KIRREL1: variants seen among roughly 807,000 people sequenced by gnomAD.
KIRREL1 encodes kin of IRRE-like protein 1.
Under a neutral mutation model 83.3 loss-of-function variants are expected in KIRREL1, and 25 were observed. The ratio of observed to expected loss-of-function variants is 0.30; its 90% CI spans 0.22 to 0.42. KIRREL1 has a LOEUF of 0.42. Among genes scored for constraint, KIRREL1 ranks in the 10% least tolerant of loss-of-function variants. The pLI is 1.00. For synonymous variants in KIRREL1, 388 were observed against 410.4 expected, an observed-to-expected ratio of 0.95 and a Z score of 0.66; for missense variants, 812 against 1,032.3, an observed-to-expected ratio of 0.79 and a Z score of 2.92.
At chr1:158,038,102 C>G (rs1455068195) in intron 1 of KIRREL1, among the ~76,000 whole-genome samples, 1 of 152,222 alleles carries the variant, frequency 6.6e-6, no homozygotes, top group Non-Finnish European at 1.5e-5. Context: ...CACCCATCTG[C>G]CTGGCTGATG....
At chr1:158,085,159 A>G (rs138737111) in intron 4 of KIRREL1, among the ~76,000 whole-genome samples, 3 of 152,384 alleles carry the variant, frequency 2.0e-5, no homozygotes, top group Non-Finnish European at 4.4e-5. Flanking sequence ...CATGAAAGAT[A>G]TCAAGTGACT....
chr1:158,070,589 C>A (rs900153933), intron 1 of KIRREL1, among the ~76,000 whole-genome samples: 6 of 152,122 alleles, frequency 3.9e-5, no homozygotes, highest in Non-Finnish European at 8.8e-5. Context: ...AACTTTTAAT[C>A]CAAGGCAGGC....
Position 158,099,398 on chromosome 1 carries a change from T to A in KIRREL1, c.*4278T>A, listed in dbSNP as rs1027527444. 1 of 152,264 alleles carries A rather than the reference T, an allele frequency of 6.6e-6. No homozygotes were observed. Among genetic ancestry groups the A allele is most frequent in the African/African-American group, 2.4e-5 (1 of 41,434 alleles). 9.4% of individuals were successfully genotyped at this position (152,264 alleles called of 1,614,324 possible). Reference sequence around the variant, plus strand: ...TCTCCTCCTCTCCTCAAGGCCAGGCTTTTTGTGAAAGGCATTGGCTCATCT... The same window carrying A: ...TCTCCTCCTCTCCTCAAGGCCAGGCATTTTGTGAAAGGCATTGGCTCATCT... On this transcript the variant is annotated 3_prime_UTR_variant, in exon 15 of 15. Transcript: ENST00000359209.
rs1363166577 is a variant in KIRREL1 at position 158,100,070 on chromosome 1, T to G, written c.*4950T>G. On this transcript the variant is annotated 3_prime_UTR_variant, in exon 15 of 15. Coordinates refer to ENST00000359209, the MANE Select transcript of KIRREL1 (RefSeq NM_018240.7). The stretch of plus-strand genomic sequence containing the variant: ...ATAATTAAGAGAAGAGAAAAAAAGA[T>G]ATTATTTTTGTTAGGACAAACCATT... 2 of 152,098 alleles carry G rather than the reference T, an allele frequency of 1.3e-5. No homozygotes were observed. Among genetic ancestry groups the G allele is most frequent in the African/African-American group, 2.4e-5 (1 of 41,404 alleles). The allele number at this position is 152,098 out of a possible 1,614,324, so 9.4% of individuals were successfully genotyped here.
chr1:158,094,824 G>A lies in KIRREL1; in HGVS notation c.1978G>A (p.Asp660Asn). The change falls in exon 15 of 15, where the codon GAC becomes AAC. Residue 660 changes from aspartate to asparagine, a missense_variant. Physicochemically the swap from Asp to Asn is conservative, Grantham distance 23. Transcript: ENST00000359209. The surrounding 1 kb of genome is among the most constrained non-coding windows in gnomAD (Gnocchi z 4.6). ...CACCTATAGCCGGGGCCCTGCCTCT[G>A]ACTATGGCCCTGAGCCCACACCCCC... ...LNTYSRGPAS[D>N]YGPEPTPPGP... The A allele has an allele frequency of 1.2e-6, 2 of 1,614,052 alleles. No homozygotes were observed. The highest frequency in any genetic ancestry group is 1.7e-4 in the Middle Eastern group (1 of 6,060).
intron 1 of KIRREL1, among the ~76,000 whole-genome samples, chr1:158,051,346 C>T (rs1208867747): frequency 3.3e-5 from 5 of 152,186 alleles, no homozygotes; most frequent in Non-Finnish European, 7.3e-5. Flanking sequence ...GTTCTATCAT[C>T]TATAATGACA....
intron 1 of KIRREL1, among the ~76,000 whole-genome samples, chr1:158,007,250 C>A (rs531781344): frequency 6.6e-6 from 1 of 152,184 alleles, no homozygotes; most frequent in Admixed American, 6.5e-5. Context: ...TGTGCATCTG[C>A]ACAGAAGAAG....
At chr1:158,001,297 G>T (rs529219595) in intron 1 of KIRREL1, among the ~76,000 whole-genome samples, 170 of 152,190 alleles carry the variant, frequency 1.1e-3, no homozygotes, top group Non-Finnish European at 2.2e-3. Flanking sequence ...GCCCTTGAAG[G>T]TCTCACTTTG....
At position 158,095,256 on chromosome 1, in the gene KIRREL1, C is replaced by A; in HGVS notation, c.*136C>A. 1.5e-6 allele frequency: 1 copy of A among 678,972 alleles called. No individual in the cohort carries two copies. The highest frequency in any genetic ancestry group is 2.4e-6 in the Non-Finnish European group (1 of 409,354). The allele number at this position is 678,972 out of a possible 1,614,324, so 42.1% of individuals were successfully genotyped here. ...TCCTCCCACCATGGCAGGTGGGGAG[C>A]AGGTCTCCCAGAAACACCCCGTCCC... On this transcript the variant is annotated 3_prime_UTR_variant, in exon 15 of 15. Transcript: ENST00000359209.
In KIRREL1 at chr1:158,089,768, G is replaced by A. The variant is rs139347921; in HGVS notation, c.1222G>A (p.Gly408Ser). 149 of 1,614,000 alleles carry A rather than the reference G, an allele frequency of 9.2e-5. 1 individual carries two copies. In the Middle Eastern group the frequency reaches 1.2e-3, roughly 12 times the overall value. ...AGTGCAGTATGCTGTGAGGGGTGAC[G>A]GTGGCAAGGTGGAGTGTTTCATTGG... ...EAVQYAVRGDGGKVECFIGST... is the reference protein window; with the variant it reads ...EAVQYAVRGDSGKVECFIGST... The change falls in exon 10 of 15, where the codon GGT becomes AGT. Residue 408 changes from glycine (G) to serine (S), a missense_variant. This residue lies in a region of KIRREL1 where 472 missense variants were observed against 626.8 expected (regional missense o/e 0.75). Coordinates refer to ENST00000359209, the MANE Select transcript of KIRREL1 (RefSeq NM_018240.7).
intron 1 of KIRREL1, among the ~76,000 whole-genome samples, chr1:158,006,505 C>T (rs1025349215): frequency 3.3e-5 from 5 of 152,190 alleles, no homozygotes; most frequent in East Asian, 3.8e-4. Flanking sequence ...AGGTCATAGG[C>T]GAGACTGCCT....
At chr1:158,036,621 G>A (rs16839658) in intron 1 of KIRREL1, among the ~76,000 whole-genome samples, 17,839 of 152,144 alleles carry the variant, frequency 0.12, 1,181 homozygotes, top group African/African-American at 0.18. Context: ...GTCACAACCC[G>A]GGAAAGAGAG....
chr1:158,018,057 G>A (rs913636909), intron 1 of KIRREL1, among the ~76,000 whole-genome samples: 4 of 152,160 alleles, frequency 2.6e-5, no homozygotes, highest in African/African-American at 7.2e-5. Flanking sequence ...AGGAAATCTG[G>A]AGATAGTGAA....
chr1:158,088,609 C>T (rs1349914354), intron 8 of KIRREL1, among the ~76,000 whole-genome samples, 155 bp downstream of exon 8: 1 of 150,626 alleles, frequency 6.6e-6, no homozygotes, highest in East Asian at 2.0e-4. Context: ...CTCAGCCTCC[C>T]GAGTAGCTGG....
At chr1:158,038,601 C>T (rs566694805) in intron 1 of KIRREL1, among the ~76,000 whole-genome samples, 4 of 148,060 alleles carry the variant, frequency 2.7e-5, no homozygotes, top group Non-Finnish European at 5.9e-5. Flanking sequence ...ACTGAGATTA[C>T]AGACGTGATC....
intron 1 of KIRREL1, among the ~76,000 whole-genome samples, chr1:158,065,842 C>T (rs944762038): frequency 6.6e-6 from 1 of 151,898 alleles, no homozygotes; most frequent in Non-Finnish European, 1.5e-5. Context: ...TGCCGCCTGC[C>T]CTCTTTCCCC....
In KIRREL1 at chr1:158,094,760, A is replaced by T. The variant is rs1429831770; in HGVS notation, c.1914A>T (p.Ser638=). 6.2e-7 allele frequency: 1 copy of T among 1,613,828 alleles called. No homozygotes were observed. The highest frequency in any genetic ancestry group is 2.2e-5 in the East Asian group (1 of 44,852). Residue 638 remains serine, a synonymous_variant, in exon 15 of 15, where the codon TCA becomes TCT. Coordinates refer to ENST00000359209, the MANE Select transcript of KIRREL1 (RefSeq NM_018240.7). This position sits in a 1 kb window ranked among gnomAD's most constrained non-coding sequence, Gnocchi z 4.6. The stretch of plus-strand genomic sequence containing the variant: ...CTGCCCGCTTCGACGGCCGCCCCTC[A>T]TCCCGTCTCTCCCACTCCAGCGGCT... The part of the protein sequence containing the change: ...PGPARFDGRP[S]SRLSHSSGYA...
At chr1:158,007,381 AGAC>A (rs1394831530) in intron 1 of KIRREL1, among the ~76,000 whole-genome samples, 1 of 152,078 alleles carries the variant, frequency 6.6e-6, no homozygotes, top group Non-Finnish European at 1.5e-5. Context: ...AGAGAAGTGA[AGAC>A]GATTCTTATA....
intron 1 of KIRREL1, among the ~76,000 whole-genome samples, chr1:157,994,466 G>C (rs1326764075): frequency 6.6e-6 from 1 of 152,020 alleles, no homozygotes; most frequent in African/African-American, 2.4e-5. Context: ...GGAAAGTGTT[G>C]CTGTCTGGGG....
Sources: gnomAD v4.1 joint callset for allele counts (sites outside exome capture counted in the v4.1 genomes callset) on GRCh38, gnomAD v4.1.1 for gene constraint, gnomAD v4.1.1 regional missense constraint, Gnocchi (gnomAD v3.1) non-coding constraint, MANE v1.5 for transcripts, NCBI Gene and HGNC (gene_info 2026-07-23, HGNC 2026-07-21) for gene names.